PRKCB: variants seen among roughly 807,000 people sequenced by gnomAD.
PRKCB encodes the protein protein kinase C beta type.
A neutral mutation model predicts 81.5 loss-of-function variants in PRKCB; 13 were observed. The observed-to-expected ratio is 0.16, with a 90% CI of 0.10 to 0.25. The LOEUF is 0.25. Ranked by LOEUF, PRKCB falls within the 10% of genes least tolerant of loss-of-function variation. PRKCB has a pLI of 1.00. For synonymous variants in PRKCB, 335 were observed against 321.4 expected (o/e 1.04, Z -0.45); for missense variants, 509 against 875.7 (o/e 0.58, Z 5.29).
intron 2 of PRKCB, chr16:23,893,784 G>C (rs1963330677): frequency 6.6e-6 from 1 of 152,058 alleles, no homozygotes; most frequent in Non-Finnish European, 1.5e-5. Flanking sequence ...GATTTCTATT[G>C]AACGGATGTA....
At chr16:23,870,349 T>C (rs1329832789) in intron 2 of PRKCB, among the ~76,000 whole-genome samples, 2 of 152,210 alleles carry the variant, frequency 1.3e-5, no homozygotes, top group East Asian at 1.9e-4. Flanking sequence ...CTTTGGTTCA[T>C]GTATAATAAC....
intron 5 of PRKCB, among the ~76,000 whole-genome samples, chr16:24,056,674 C>A (rs1003696695): frequency 5.9e-5 from 9 of 152,040 alleles, no homozygotes; most frequent in African/African-American, 2.2e-4. Flanking sequence ...AAGAGTCTGG[C>A]ACCTCCCCTC....
At chr16:23,871,862 T>G (rs1597219453) in intron 2 of PRKCB, among the ~76,000 whole-genome samples, 1 of 656 alleles carries the variant, frequency 1.5e-3, no homozygotes, top group Non-Finnish European at 2.9e-3. Context: ...ATACAGGTTT[T>G]TTTTTTTTTT....
intron 2 of PRKCB, among the ~76,000 whole-genome samples, chr16:23,984,718 A>G (rs763536838): frequency 6.6e-6 from 1 of 152,246 alleles, no homozygotes; most frequent in African/African-American, 2.4e-5. Flanking sequence ...AAACACGTTG[A>G]GAAGAACACT....
chr16:23,960,275 G>T (rs1436189490), intron 2 of PRKCB, among the ~76,000 whole-genome samples: 2 of 151,972 alleles, frequency 1.3e-5, no homozygotes, highest in African/African-American at 4.8e-5. Context: ...CCTTGTTTTA[G>T]CCCATCCCAG....
chr16:23,867,899 A>G (rs764819420), intron 2 of PRKCB, among the ~76,000 whole-genome samples: 1 of 152,146 alleles, frequency 6.6e-6, no homozygotes, highest in Non-Finnish European at 1.5e-5. Flanking sequence ...GAAGTCTTTA[A>G]TTATTCATCT....
chr16:24,174,172 G>A (rs892121410), intron 11 of PRKCB: 1 of 190,750 alleles, frequency 5.2e-6, no homozygotes, highest in African/African-American at 2.4e-5. Flanking sequence ...ACCACACCCA[G>A]TTATTTTTTT....
intron 16 of PRKCB, among the ~76,000 whole-genome samples, chr16:24,195,418 A>G (rs1967864230): frequency 6.6e-6 from 1 of 152,200 alleles, no homozygotes; most frequent in African/African-American, 2.4e-5. Context: ...AAAGGCATGC[A>G]TGTATCTGTC....
chr16:24,054,079 C>T (rs1276653636), intron 5 of PRKCB, among the ~76,000 whole-genome samples: 1 of 152,150 alleles, frequency 6.6e-6, no homozygotes, highest in Non-Finnish European at 1.5e-5. Context: ...CTCAAGCAAT[C>T]CTCCTGCCTC....
chr16:24,170,807 C>G (rs954602943), intron 10 of PRKCB, among the ~76,000 whole-genome samples: 1 of 152,218 alleles, frequency 6.6e-6, no homozygotes, highest in Admixed American at 6.5e-5. Flanking sequence ...AAGCTTGTGC[C>G]CTTTCCCTCT....
intron 8 of PRKCB, among the ~76,000 whole-genome samples, chr16:24,119,785 A>G (rs1265189320): frequency 2.0e-5 from 3 of 152,096 alleles, no homozygotes; most frequent in Non-Finnish European, 4.4e-5. Context: ...CGTTGCCTCT[A>G]CACCCCAAAT....
intron 5 of PRKCB, among the ~76,000 whole-genome samples, chr16:24,047,257 G>A (rs1404235073): frequency 6.6e-6 from 1 of 152,056 alleles, no homozygotes; most frequent in Non-Finnish European, 1.5e-5. Flanking sequence ...CAGGAGAATC[G>A]CTTGAACCCG....
intron 7 of PRKCB, among the ~76,000 whole-genome samples, chr16:24,095,838 G>A (rs1367277569): frequency 1.3e-5 from 2 of 152,010 alleles, no homozygotes; most frequent in Non-Finnish European, 2.9e-5. Context: ...TTATCTGCGG[G>A]GGTCATTGGG....
intron 2 of PRKCB, among the ~76,000 whole-genome samples, chr16:23,927,127 G>T (rs959549789): frequency 3.9e-5 from 6 of 152,198 alleles, no homozygotes; most frequent in Admixed American, 6.5e-5. Context: ...GGCTGTAAGC[G>T]CATGGTGTGA....
At chr16:23,944,012 C>G (rs2141771130) in intron 2 of PRKCB, among the ~76,000 whole-genome samples, 1 of 152,268 alleles carries the variant, frequency 6.6e-6, no homozygotes, top group East Asian at 1.9e-4. Context: ...TTGGTTTGGT[C>G]TGGTTTCAAT....
chr16:24,021,929 G>A (rs1438434804), intron 3 of PRKCB, among the ~76,000 whole-genome samples: 1 of 152,246 alleles, frequency 6.6e-6, no homozygotes, highest in Middle Eastern at 3.4e-3. Flanking sequence ...TTATTTTGTT[G>A]TTGTATTCAA....
intron 2 of PRKCB, among the ~76,000 whole-genome samples, chr16:23,899,808 AATTT>A (rs200198656): frequency 0.041 from 1,589 of 38,320 alleles, 368 homozygotes; most frequent in Non-Finnish European, 0.056. Context: ...CAGCAAATAA[AATTT>A]ATTTATTTAT....
At chr16:23,987,931 T>C (rs1315955093) in intron 2 of PRKCB, among the ~76,000 whole-genome samples, 1 of 152,230 alleles carries the variant, frequency 6.6e-6, no homozygotes, top group African/African-American at 2.4e-5. Flanking sequence ...AATGTGTGTA[T>C]ATATGTATTT....
At chr16:23,913,067 C>A (rs1204190195) in intron 2 of PRKCB, among the ~76,000 whole-genome samples, 6 of 152,206 alleles carry the variant, frequency 3.9e-5, no homozygotes, top group Non-Finnish European at 5.9e-5. Flanking sequence ...TCTCCAAATG[C>A]TGGGATTGCA....
Sources: allele counts gnomAD v4.1 joint callset (sites outside exome capture counted in the v4.1 genomes callset), GRCh38; gene constraint gnomAD v4.1.1; transcripts MANE v1.5; gene names NCBI Gene and HGNC (gene_info 2026-07-23, HGNC 2026-07-21).